SLC35A3: variants seen among roughly 807,000 people sequenced by gnomAD.
SLC35A3 encodes the protein solute carrier family 35 member A3.
In SLC35A3, 26 loss-of-function variants were observed where a neutral mutation model predicts 39.0. The observed-to-expected ratio is 0.67, with a 90% CI of 0.49 to 0.92. The LOEUF is 0.92. Among genes scored for constraint, SLC35A3 ranks in the 40% least tolerant of loss-of-function variants. The pLI, the probability that SLC35A3 is intolerant of heterozygous loss-of-function variation, is 0.00. For synonymous variants in SLC35A3, 135 were observed against 133.1 expected, an observed-to-expected ratio of 1.01 and a Z score of -0.10; for missense variants, 299 against 371.6, an observed-to-expected ratio of 0.80 and a Z score of 1.61.
In SLC35A3 at chr1:100,028,321, G is replaced by GTTTTGT. The variant is rs1553206294; in HGVS notation, c.*5849_*5850insGTTTTT. ...GTTTTTTGGGGTGTTTTTCTGTTTT[G>GTTTTGT]TTTTTTGTTTTTTGTTTTTGAGACA... On this transcript the variant is annotated 3_prime_UTR_variant, in exon 8 of 8. Transcript: ENST00000533028. 2.3e-5 allele frequency: 3 copies of GTTTTGT among 130,912 alleles called. No individual in the cohort carries two copies. The highest frequency in any genetic ancestry group is 1.0e-4 in the African/African-American group (3 of 29,356). The allele number at this position is 130,912 out of a possible 1,614,324, so 8.1% of individuals were successfully genotyped here. A position where few individuals can be genotyped will look rare whatever the true frequency, so the allele number is the denominator to read the frequency against.
chr1:100,011,006 T>C (rs576038739), intron 4 of SLC35A3, among the ~76,000 whole-genome samples: 10 of 152,204 alleles, frequency 6.6e-5, no homozygotes, highest in Non-Finnish European at 1.5e-4. Flanking sequence ...CTACTTTTGC[T>C]GACACAGCAG....
chr1:100,006,010 T>C (rs564562), intron 3 of SLC35A3, among the ~76,000 whole-genome samples: 23,014 of 152,170 alleles, frequency 0.15, 2,412 homozygotes, highest in African/African-American at 0.3. Flanking sequence ...AGACATTTTC[T>C]CACAGATATA....
intron 1 of SLC35A3, among the ~76,000 whole-genome samples, chr1:99,980,911 C>T (rs144777577): frequency 1.1e-4 from 17 of 152,222 alleles, no homozygotes; most frequent in African/African-American, 2.6e-4. Context: ...GGATTTTCCA[C>T]GAGATTATTA....
chr1:100,024,894 T>C lies in SLC35A3; in HGVS notation c.*2418T>C. Reference sequence around the variant, plus strand: ...TTAAACAGAATTGGCTCAAAAATACTATGTTACAGACTGTTGGGTACCCTT... The same window carrying C: ...TTAAACAGAATTGGCTCAAAAATACCATGTTACAGACTGTTGGGTACCCTT... On this transcript the variant is annotated 3_prime_UTR_variant, in exon 8 of 8. Transcript: ENST00000533028. 2.7e-6 allele frequency: 1 copy of C among 364,516 alleles called. No homozygotes were observed. The highest frequency in any genetic ancestry group is 4.9e-6 in the Non-Finnish European group (1 of 205,174). 22.6% of individuals were successfully genotyped at this position (364,516 alleles called of 1,614,324 possible).
chr1:99,994,540 T>A (rs1421807746), intron 2 of SLC35A3, among the ~76,000 whole-genome samples: 2 of 152,210 alleles, frequency 1.3e-5, no homozygotes, highest in Non-Finnish European at 2.9e-5. Flanking sequence ...ATAAGTAGAA[T>A]CATGTATTTG....
chr1:100,018,719 A>G (rs1660333996), intron 7 of SLC35A3, among the ~76,000 whole-genome samples: 2 of 152,140 alleles, frequency 1.3e-5, no homozygotes, highest in East Asian at 1.9e-4. Context: ...ACCTCGAGCA[A>G]TCTTCCCACC....
intron 3 of SLC35A3, among the ~76,000 whole-genome samples, chr1:100,006,279 G>A (rs1480857937): frequency 6.6e-6 from 1 of 152,154 alleles, no homozygotes; most frequent in Non-Finnish European, 1.5e-5. Context: ...GCAGATACTA[G>A]CAGTGGTGGG....
At chr1:100,018,875 G>A (rs139878636) in intron 7 of SLC35A3, among the ~76,000 whole-genome samples, 218 of 152,172 alleles carry the variant, frequency 1.4e-3, no homozygotes, top group Non-Finnish European at 1.7e-3. Flanking sequence ...GAACATTGAC[G>A]GTTTTAATTC....
At chr1:100,009,995 AC>A (rs1266460707) in intron 4 of SLC35A3, among the ~76,000 whole-genome samples, 1 of 152,056 alleles carries the variant, frequency 6.6e-6, no homozygotes, top group Non-Finnish European at 1.5e-5. Context: ...ATGCTGTAGA[AC>A]TACACTGTCC....
chr1:99,979,409 A>G (rs1399013681), intron 1 of SLC35A3, among the ~76,000 whole-genome samples: 1 of 146,506 alleles, frequency 6.8e-6, no homozygotes, highest in Non-Finnish European at 1.5e-5. Flanking sequence ...TCTCTTGTGT[A>G]TCTGTATTCT....
intron 1 of SLC35A3, among the ~76,000 whole-genome samples, chr1:99,976,709 G>C (rs1420280713): frequency 6.6e-6 from 1 of 152,154 alleles, no homozygotes; most frequent in African/African-American, 2.4e-5. Context: ...TGCAGGAACA[G>C]AAAACTAAAT....
rs533793267 is a variant in SLC35A3 at position 100,022,333 on chromosome 1, G to A, written c.888-53G>A. 4 of 958,486 alleles carry A rather than the reference G, an allele frequency of 4.2e-6. No homozygotes were observed. The East Asian group carries it at 1.0e-4, about 24-fold the overall frequency. The allele number at this position is 958,486 out of a possible 1,614,324, so 59.4% of individuals were successfully genotyped here. On this transcript the variant is annotated intron_variant, in intron 7 of 7. Coordinates refer to ENST00000533028, the MANE Select transcript of SLC35A3 (RefSeq NM_012243.3). ...TATAGTAAAGAAATAGAAGGAACTT[G>A]TTCTGCTTTTAATCTGATTTTCTCT...
chr1:100,007,286 GT>G (rs1659308523), intron 4 of SLC35A3, 130 bp downstream of exon 4: 1 of 763,874 alleles, frequency 1.3e-6, no homozygotes, highest in Middle Eastern at 3.9e-4. Flanking sequence ...ACTAACATAT[GT>G]TTTGAGGGCA....
chr1:100,011,449 T>A lies in SLC35A3; in HGVS notation c.550T>A (p.Phe184Ile), dbSNP rs1659631828. ...VGLMAVLTAC[F>I]SSGFAGVYFE... ...ACTCATGGCAGTTCTCACAGCATGT[T>A]TTTCAAGTGGCTTTGCTGGGGTTTA... Residue 184 changes from phenylalanine to isoleucine, a missense_variant, in exon 5 of 8, where the codon TTT (phenylalanine) becomes ATT (isoleucine). By Grantham distance (21) the Phe-to-Ile change is conservative. Coordinates refer to ENST00000533028, the MANE Select transcript of SLC35A3 (RefSeq NM_012243.3). 6.3e-7 allele frequency: 1 copy of A among 1,584,920 alleles called. No homozygotes were observed. Among genetic ancestry groups the A allele is most frequent in the African/African-American group, 1.3e-5 (1 of 74,412 alleles).
intron 1 of SLC35A3, chr1:99,979,053 A>C (rs1043789994): frequency 2.6e-5 from 4 of 152,254 alleles, no homozygotes; most frequent in Non-Finnish European, 5.9e-5. Flanking sequence ...GGAAGAAAAA[A>C]TAGATGTAGA....
intron 3 of SLC35A3, among the ~76,000 whole-genome samples, chr1:100,004,732 T>A (rs1255525931): frequency 6.6e-6 from 1 of 152,104 alleles, no homozygotes; most frequent in Non-Finnish European, 1.5e-5. Flanking sequence ...TTTTTTTTAT[T>A]TTTTATTTTC....
chr1:100,019,779 G>T (rs1252352866), intron 7 of SLC35A3, among the ~76,000 whole-genome samples: 1 of 152,104 alleles, frequency 6.6e-6, no homozygotes, highest in South Asian at 2.1e-4. Flanking sequence ...TCTCTAGGAA[G>T]ATAAGTTCAG....
intron 1 of SLC35A3, among the ~76,000 whole-genome samples, chr1:99,980,592 A>G (rs1262291180): frequency 1.3e-5 from 2 of 152,236 alleles, no homozygotes; most frequent in Admixed American, 1.3e-4. Context: ...CCTATGAAAG[A>G]ACAAGTTAAA....
chr1:99,990,700 A>G (rs561516959), intron 1 of SLC35A3, among the ~76,000 whole-genome samples: 9 of 152,182 alleles, frequency 5.9e-5, no homozygotes, highest in Non-Finnish European at 1.3e-4. Context: ...ATATGGTTTA[A>G]TAGACTGAAT....
Sources: gnomAD v4.1 joint callset for allele counts (sites outside exome capture counted in the v4.1 genomes callset) on GRCh38, gnomAD v4.1.1 for gene constraint, MANE v1.5 for transcripts, NCBI Gene and HGNC (gene_info 2026-07-23, HGNC 2026-07-21) for gene names.